Variants in LARS2 observed in about 807,000 individuals in gnomAD.
The protein encoded by LARS2 is leucine--tRNA ligase, mitochondrial.
A neutral mutation model predicts 116.6 loss-of-function variants in LARS2; 81 were observed. The ratio of observed to expected loss-of-function variants is 0.69; its 90% CI spans 0.58 to 0.84. The LOEUF is 0.84. Among genes scored for constraint, LARS2 ranks in the 40% least tolerant of loss-of-function variants. The pLI is 0.00. For synonymous variants in LARS2, 396 were observed against 407.2 expected (o/e 0.97, Z 0.33); for missense variants, 968 against 1,114.5 (o/e 0.87, Z 1.87).
chr3:45,455,548 T>G (rs777851261), intron 7 of LARS2, among the ~76,000 whole-genome samples: 9 of 152,034 alleles, frequency 5.9e-5, no homozygotes, highest in Non-Finnish European at 1.0e-4. Context: ...TGGGTAGAAA[T>G]GTAAATTGCT....
intron 19 of LARS2, among the ~76,000 whole-genome samples, chr3:45,521,813 C>A (rs553469003): frequency 1.3e-5 from 2 of 151,778 alleles, no homozygotes; most frequent in Non-Finnish European, 2.9e-5. Context: ...AATACTTTAA[C>A]GTAACTATTC....
chr3:45,388,887 G>A (rs778256614), intron 1 of LARS2: 1 of 152,142 alleles, frequency 6.6e-6, no homozygotes, highest in Non-Finnish European at 1.5e-5. Flanking sequence ...GATAGCTCTG[G>A]ACTCTTTCCC....
At chr3:45,459,353 A>T (rs974896451) in intron 8 of LARS2, among the ~76,000 whole-genome samples, 1 of 152,218 alleles carries the variant, frequency 6.6e-6, no homozygotes, top group Non-Finnish European at 1.5e-5. Flanking sequence ...TAGACTTCAC[A>T]TGCTTAAATT....
intron 8 of LARS2, among the ~76,000 whole-genome samples, chr3:45,464,234 G>C (rs1197066879): frequency 6.6e-6 from 1 of 152,186 alleles, no homozygotes; most frequent in African/African-American, 2.4e-5. Context: ...GGAGAGAAGG[G>C]AAGTTTGTGC....
At position 45,425,175 on chromosome 3, in the gene LARS2, G is replaced by A. The variant is rs184866791; in HGVS notation, c.516+5446G>A. 5.9e-5 allele frequency among the ~76,000 whole-genome samples: 9 copies of A among 152,134 alleles called. No individual in the cohort carries two copies. The East Asian group carries it at 1.7e-3, about 29-fold the overall frequency. On this transcript the variant is annotated intron_variant, in intron 6 of 21. Transcript: ENST00000645846. ...GAAATTTTTCTAAATACTAGGAGATGCCCTTGAAGATTTATTTTTGTTTCC... is the reference window on the plus strand; with the variant it reads ...GAAATTTTTCTAAATACTAGGAGATACCCTTGAAGATTTATTTTTGTTTCC...
At chr3:45,417,654 A>G in intron 5 of LARS2, 81 bp downstream of exon 5, 1 of 863,042 alleles carries the variant, frequency 1.2e-6, no homozygotes, top group East Asian at 2.6e-5. Context: ...AAAAAATAGA[A>G]AGCAAAGCAA....
rs1699092029 is a variant in LARS2 at position 45,449,591 on chromosome 3, T to C, written c.606+2611T>C. Among the ~76,000 whole-genome samples, 3 of 152,190 alleles carry C rather than the reference T, an allele frequency of 2.0e-5. No individual in the cohort carries two copies. The South Asian group carries it at 6.2e-4, about 31-fold the overall frequency. On this transcript the variant is annotated intron_variant, in intron 7 of 21. Coordinates refer to ENST00000645846, the MANE Select transcript of LARS2 (RefSeq NM_015340.4). ...TGAAATGTCCCACCTCTTAACATTG[T>C]TGCATTAGGGATTAAGTTTCCAACA...
intron 15 of LARS2, among the ~76,000 whole-genome samples, chr3:45,508,311 A>G (rs1227922351): frequency 1.3e-5 from 2 of 152,024 alleles, no homozygotes; most frequent in African/African-American, 4.8e-5. Context: ...ATCATGCCAG[A>G]AACGGGGCTA....
rs145746476 is a variant in LARS2, at chr3:45,519,437, G to T, written c.2215-782G>T. Among the ~76,000 whole-genome samples the T allele has an allele frequency of 1.1e-3, 156 of 148,512 alleles. 1 individual carries two copies. The highest frequency in any genetic ancestry group is 3.5e-3 in the African/African-American group (143 of 40,550). ...ACCTGGGAGGCAGAGGTTGCAGTGA[G>T]CTGAGATCGCACCACTGCACTCCAA... On this transcript the variant is annotated intron_variant, in intron 18 of 21. Coordinates refer to ENST00000645846, the MANE Select transcript of LARS2 (RefSeq NM_015340.4).
At chr3:45,426,720 C>G (rs1012187998) in intron 6 of LARS2, among the ~76,000 whole-genome samples, 3 of 152,118 alleles carry the variant, frequency 2.0e-5, no homozygotes, top group Non-Finnish European at 4.4e-5. Flanking sequence ...TGTTTTTCAT[C>G]GCTTCAGCCA....
At chr3:45,460,585 C>A (rs955401225) in intron 8 of LARS2, among the ~76,000 whole-genome samples, 4 of 152,052 alleles carry the variant, frequency 2.6e-5, no homozygotes, top group Admixed American at 2.0e-4. Flanking sequence ...TTGCTGAACT[C>A]CTGTGCAGAT....
chr3:45,540,103 C>CA (rs1166451045), intron 20 of LARS2, among the ~76,000 whole-genome samples: 3 of 151,788 alleles, frequency 2.0e-5, no homozygotes, highest in Non-Finnish European at 4.4e-5. Context: ...ACTAAAAATA[C>CA]AAAAAATTAG....
At chr3:45,425,090 A>G (rs1324522131) in intron 6 of LARS2, among the ~76,000 whole-genome samples, 2 of 151,904 alleles carry the variant, frequency 1.3e-5, no homozygotes, top group Non-Finnish European at 2.9e-5. Context: ...TTTTGGCCAG[A>G]TGCTCTATTT....
At chr3:45,538,623 T>G (rs1340579045) in intron 20 of LARS2, among the ~76,000 whole-genome samples, 2 of 152,242 alleles carry the variant, frequency 1.3e-5, no homozygotes, top group South Asian at 2.1e-4. Flanking sequence ...AGCAGGAATC[T>G]GTCTTTCATA....
intron 6 of LARS2, chr3:45,422,418 C>G (rs1181199945): frequency 6.6e-6 from 1 of 151,820 alleles, no homozygotes; most frequent in African/African-American, 2.4e-5. Flanking sequence ...TGTACTTAGA[C>G]CTTTGAGATA....
chr3:45,497,866 C>A (rs946905069), intron 14 of LARS2, among the ~76,000 whole-genome samples: 1 of 151,336 alleles, frequency 6.6e-6, no homozygotes, highest in African/African-American at 2.4e-5. Flanking sequence ...GAGCTCGTGC[C>A]ACTGCACTCC....
Position 45,524,011 on chromosome 3 carries a change from C to A in LARS2, c.2307C>A (p.Ser769Arg). The A allele has an allele frequency of 6.2e-7, 1 of 1,613,602 alleles. No individual in the cohort carries two copies. ...CTCTTCCTTAGCAAGCCTCTCAGAG[C>A]GTCATTCTCCACAGCCCCGAGTTTG... ...LSNALSQASQ[S>R]VILHSPEFED... The change falls in exon 20 of 22, where the codon AGC becomes AGA. Residue 769 changes from serine (S) to arginine (R), a missense_variant. Transcript: ENST00000645846.
intron 4 of LARS2, among the ~76,000 whole-genome samples, chr3:45,410,326 G>C (rs61539498): frequency 0.15 from 15,546 of 106,890 alleles, 2,647 homozygotes; most frequent in African/African-American, 0.42. Context: ...TTTTTTTTTT[G>C]CTCTTGAAAT....
At chr3:45,497,441 G>C (rs1401035071) in intron 14 of LARS2, among the ~76,000 whole-genome samples, 2 of 152,182 alleles carry the variant, frequency 1.3e-5, no homozygotes, top group Non-Finnish European at 2.9e-5. Context: ...AATTGCTCTT[G>C]TCCATGGCAG....
Sources: gnomAD v4.1 joint callset for allele counts (sites outside exome capture counted in the v4.1 genomes callset) on GRCh38, gnomAD v4.1.1 for gene constraint, MANE v1.5 for transcripts, NCBI Gene and HGNC (gene_info 2026-07-23, HGNC 2026-07-21) for gene names.